The following GALNT14 variants were observed in gnomAD, a reference collection of about 807,000 sequenced individuals.
The protein encoded by GALNT14 is polypeptide N-acetylgalactosaminyltransferase 14, also known as UDP-GalNAc:polypeptide N-acetylgalactosaminyltransferase 14.
GALNT14 carries 60 observed loss-of-function variants against 77.5 expected under a neutral mutation model. That is an observed-to-expected ratio of 0.77 (90% CI 0.63 to 0.96). The LOEUF is 0.96. GALNT14 is among the 40% of genes least tolerant of loss of function. GALNT14 has a pLI of 0.00. For synonymous variants in GALNT14, 280 were observed against 281.7 expected (o/e 0.99, Z 0.06); for missense variants, 710 against 731.0 (o/e 0.97, Z 0.33).
intron 1 of GALNT14, among the ~76,000 whole-genome samples, chr2:31,004,529 G>C (rs1010487635): frequency 6.6e-6 from 1 of 152,138 alleles, no homozygotes; most frequent in African/African-American, 2.4e-5. Context: ...TTGGATGCAG[G>C]GTCAACTCAT....
At chr2:31,052,669 C>T (rs774456933) in intron 1 of GALNT14, among the ~76,000 whole-genome samples, 2 of 152,162 alleles carry the variant, frequency 1.3e-5, no homozygotes, top group Non-Finnish European at 2.9e-5. Flanking sequence ...CCTCAATCAG[C>T]CTCCACTGCA....
At chr2:31,005,318 A>G (rs1670606295) in intron 1 of GALNT14, among the ~76,000 whole-genome samples, 1 of 152,146 alleles carries the variant, frequency 6.6e-6, no homozygotes, top group South Asian at 2.1e-4. Context: ...GCGCAGCCCC[A>G]GGGATGACTC....
chr2:30,910,604 G>T lies in GALNT14; in HGVS notation c.*297C>A, dbSNP rs1266391876. ...AGAGACTGCTTCCTTTGTAGGAAAAGGAACAATAAACACTTCCCATTAGGT... is the reference window on the plus strand; with the variant it reads ...AGAGACTGCTTCCTTTGTAGGAAAATGAACAATAAACACTTCCCATTAGGT... On this transcript the variant is annotated 3_prime_UTR_variant, in exon 15 of 15. Transcript: ENST00000349752. 1.7e-5 allele frequency: 5 copies of T among 289,214 alleles called. No homozygotes were observed. Among genetic ancestry groups the T allele is most frequent in the Non-Finnish European group, 6.4e-6 (1 of 156,930 alleles). The allele number at this position is 289,214 out of a possible 1,614,324, so 17.9% of individuals were successfully genotyped here.
chr2:31,006,145 T>C (rs563441224), intron 1 of GALNT14, among the ~76,000 whole-genome samples: 39 of 152,174 alleles, frequency 2.6e-4, no homozygotes, highest in Non-Finnish European at 4.1e-4. Context: ...GAATGGCCGG[T>C]CCAACAGTCA....
rs573846232 is a variant in GALNT14, at chr2:31,111,840, A to T, written c.129+26118T>A. Among the ~76,000 whole-genome samples, 7 of 151,916 alleles carry T rather than the reference A, an allele frequency of 4.6e-5. No homozygotes were observed. In the Middle Eastern group the frequency reaches 0.02, roughly 443 times the overall value. ...TTCAATTTGATCCTTTCCTCCTTTT[A>T]CTACATCTTGTTTGCTTCTTTTTCA... On this transcript the variant is annotated intron_variant, in intron 1 of 14. Transcript: ENST00000349752.
rs151216190 is a variant in GALNT14 at position 31,026,473 on chromosome 2, T to C, written c.130-33466A>G. Among the ~76,000 whole-genome samples the C allele has an allele frequency of 3.9e-5, 6 of 152,282 alleles. No individual in the cohort carries two copies. The East Asian group carries it at 1.2e-3, about 29-fold the overall frequency. On this transcript the variant is annotated intron_variant, in intron 1 of 14. Transcript: ENST00000349752. Reference sequence around the variant, plus strand: ...GACGGACAAGGAGCGTGGCCTGTGATAGTTTAAGTGGCTGCCCTGCCCTGG... The same window carrying C: ...GACGGACAAGGAGCGTGGCCTGTGACAGTTTAAGTGGCTGCCCTGCCCTGG...
At chr2:31,095,940 C>G (rs899027852) in intron 1 of GALNT14, among the ~76,000 whole-genome samples, 1 of 152,124 alleles carries the variant, frequency 6.6e-6, no homozygotes, top group African/African-American at 2.4e-5. Flanking sequence ...ATGGGCCTCC[C>G]TGAGCTAAAA....
At chr2:31,024,762 T>G (rs1020695805) in intron 1 of GALNT14, among the ~76,000 whole-genome samples, 1 of 152,220 alleles carries the variant, frequency 6.6e-6, no homozygotes, top group Admixed American at 6.5e-5. Context: ...TGGCATATGG[T>G]TCTACTCCAT....
chr2:31,129,516 T>C (rs569322462), intron 1 of GALNT14: 4 of 985,336 alleles, frequency 4.1e-6, no homozygotes, highest in African/African-American at 3.5e-5. Context: ...CATCTATTAA[T>C]AGCCAATTAT....
intron 1 of GALNT14, among the ~76,000 whole-genome samples, chr2:31,086,392 T>C (rs1450324972): frequency 6.6e-6 from 1 of 152,190 alleles, no homozygotes; most frequent in Non-Finnish European, 1.5e-5. Context: ...GTATAGCTTA[T>C]AGCTCCCTGG....
At chr2:31,083,136 G>C (rs1676237824) in intron 1 of GALNT14, among the ~76,000 whole-genome samples, 1 of 152,204 alleles carries the variant, frequency 6.6e-6, no homozygotes, top group Non-Finnish European at 1.5e-5. Context: ...CCAGGATATG[G>C]GGCATCCAGT....
chr2:31,086,545 T>C (rs1378729004), intron 1 of GALNT14, among the ~76,000 whole-genome samples: 1 of 152,030 alleles, frequency 6.6e-6, no homozygotes, highest in East Asian at 1.9e-4. Flanking sequence ...TAGCAGTTTT[T>C]CAGCCTTTCA....
At chr2:30,964,601 G>A (rs537845299) in intron 3 of GALNT14, among the ~76,000 whole-genome samples, 1 of 152,284 alleles carries the variant, frequency 6.6e-6, no homozygotes, top group South Asian at 2.1e-4. Flanking sequence ...GGTGATTACA[G>A]AAGCCAGGAT....
chr2:31,054,686 C>T (rs965443325), intron 1 of GALNT14, among the ~76,000 whole-genome samples: 1 of 152,186 alleles, frequency 6.6e-6, no homozygotes, highest in Admixed American at 6.6e-5. Flanking sequence ...CAAAGCCTAA[C>T]AGGCTTCATT....
intron 1 of GALNT14, among the ~76,000 whole-genome samples, chr2:31,076,926 T>C (rs766629314): frequency 2.0e-5 from 3 of 152,182 alleles, no homozygotes; most frequent in Admixed American, 1.3e-4. Flanking sequence ...AGCTTTCCAG[T>C]GCCTTGTACA....
chr2:30,961,854 TG>T (rs201434015), intron 3 of GALNT14, among the ~76,000 whole-genome samples: 2,096 of 151,770 alleles, frequency 0.014, 39 homozygotes, highest in South Asian at 0.078. Context: ...GCTAATTTTT[TG>T]GTTTTTTTGT....
chr2:30,995,873 G>T (rs974170032), intron 1 of GALNT14, among the ~76,000 whole-genome samples: 2 of 152,124 alleles, frequency 1.3e-5, no homozygotes, highest in Admixed American at 1.3e-4. Context: ...ATAGGAATTG[G>T]CTTATGTGAT....
At chr2:31,013,324 AC>A (rs1671153349) in intron 1 of GALNT14, among the ~76,000 whole-genome samples, 1 of 152,228 alleles carries the variant, frequency 6.6e-6, no homozygotes, top group Admixed American at 6.5e-5. Flanking sequence ...AAAATTGCAC[AC>A]CACATTCCAT....
At chr2:30,961,814 T>C (rs1047984460) in intron 3 of GALNT14, among the ~76,000 whole-genome samples, 15 of 152,140 alleles carry the variant, frequency 9.9e-5, no homozygotes, top group Admixed American at 2.6e-4. Flanking sequence ...CCCAAGTAGC[T>C]GGGATTACAG....
Sources: gnomAD v4.1 joint callset for allele counts (sites outside exome capture counted in the v4.1 genomes callset) on GRCh38, gnomAD v4.1.1 for gene constraint, MANE v1.5 for transcripts, NCBI Gene and HGNC (gene_info 2026-07-23, HGNC 2026-07-21) for gene names.